Variants in PLXNA4 observed in about 807,000 individuals in gnomAD.
PLXNA4 encodes the protein plexin A4.
PLXNA4 carries 44 observed loss-of-function variants against 191.8 expected under a neutral mutation model. The observed-to-expected ratio is 0.23, with a 90% CI of 0.18 to 0.29. PLXNA4 has a LOEUF of 0.29. Ranked by LOEUF, PLXNA4 falls within the 10% of genes least tolerant of loss-of-function variation. The probability of loss-of-function intolerance (pLI) is 1.00; values close to 1 mark genes in which losing one functional copy is unlikely to be tolerated. For synonymous variants in PLXNA4, 1,082 were observed against 1,009.5 expected (o/e 1.07, Z -1.36); for missense variants, 1,800 against 2,488.8 (o/e 0.72, Z 5.89).
At chr7:132,227,760 T>A (rs528860444) in intron 6 of PLXNA4, among the ~76,000 whole-genome samples, 156 bp from the exon 7 acceptor site, 2 of 152,104 alleles carry the variant, frequency 1.3e-5, no homozygotes, top group East Asian at 3.9e-4. Flanking sequence ...CTCAGGTTAT[T>A]AGGAGAGTGG....
intron 3 of PLXNA4, among the ~76,000 whole-genome samples, chr7:132,319,163 A>C (rs1802067105): frequency 6.6e-6 from 1 of 152,052 alleles, no homozygotes; most frequent in Non-Finnish European, 1.5e-5. Flanking sequence ...AAAGGGGGAA[A>C]CCTACTAACG....
At chr7:132,319,054 G>A (rs1802062665) in intron 3 of PLXNA4, among the ~76,000 whole-genome samples, 1 of 152,142 alleles carries the variant, frequency 6.6e-6, no homozygotes, top group Admixed American at 6.5e-5. Flanking sequence ...CCACATAGAG[G>A]TCCTGGGCAA....
Position 132,146,692 on chromosome 7 carries a change from T to C in PLXNA4, c.4873A>G (p.Ile1625Val), listed in dbSNP as rs763337762. 2 of 1,613,338 alleles carry C rather than the reference T, an allele frequency of 1.2e-6. No individual in the cohort carries two copies. The highest frequency in any genetic ancestry group is 3.3e-5 in the Admixed American group (2 of 60,010). The change falls in exon 28 of 32, where the codon ATC becomes GTC. Residue 1625 changes from isoleucine to valine, a missense_variant. Coordinates refer to ENST00000321063, the MANE Select transcript of PLXNA4 (RefSeq NM_020911.2). ...RTSASKYENM[I>V]RYTGSPDSLR... ...CTGTCGGGGCTGCCCGTGTACCGGA[T>C]CATGTTTTCTGCCAAGGCAAGGATC...
intron 29 of PLXNA4, among the ~76,000 whole-genome samples, chr7:132,141,148 C>T (rs189034376): frequency 5.1e-4 from 78 of 152,226 alleles, no homozygotes; most frequent in African/African-American, 1.7e-3. Flanking sequence ...TGCTATAAAG[C>T]GGAATTTCTA....
At chr7:132,509,830 C>T (rs1585247705) in intron 1 of PLXNA4, among the ~76,000 whole-genome samples, 1 of 152,274 alleles carries the variant, frequency 6.6e-6, no homozygotes, top group East Asian at 1.9e-4. Context: ...AAACCCACAT[C>T]CTCAATCTCG....
chr7:132,158,901 G>C (rs1429931402), intron 25 of PLXNA4, among the ~76,000 whole-genome samples: 1 of 152,218 alleles, frequency 6.6e-6, no homozygotes, highest in East Asian at 1.9e-4. Flanking sequence ...TAGAGGCTGG[G>C]AGATATATTC....
intron 30 of PLXNA4, among the ~76,000 whole-genome samples, 159 bp from the exon 31 acceptor site, chr7:132,133,358 C>G (rs995355404): frequency 1.3e-5 from 2 of 152,180 alleles, no homozygotes; most frequent in Non-Finnish European, 2.9e-5. Flanking sequence ...TGGTCTCTCT[C>G]TCATCTGGGT....
chr7:132,130,149 C>T lies in PLXNA4; in HGVS notation c.*330G>A, dbSNP rs1167616801. On this transcript the variant is annotated 3_prime_UTR_variant, in exon 32 of 32. Coordinates refer to ENST00000321063, the MANE Select transcript of PLXNA4 (RefSeq NM_020911.2). ...CCTGGCTCCTCATTCGTTATTTGCACCCTGCTGCTGACATGCACAGGGTCA... is the reference window on the plus strand; with the variant it reads ...CCTGGCTCCTCATTCGTTATTTGCATCCTGCTGCTGACATGCACAGGGTCA... The T allele has an allele frequency of 1.1e-5, 3 of 278,508 alleles. No individual in the cohort carries two copies. The highest frequency in any genetic ancestry group is 4.3e-5 in the Admixed American group (1 of 23,324). 17.3% of individuals were successfully genotyped at this position (278,508 alleles called of 1,614,324 possible). A position where few individuals can be genotyped will look rare whatever the true frequency, so the allele number is the denominator to read the frequency against.
At chr7:132,450,691 G>C (rs532098187) in intron 3 of PLXNA4, among the ~76,000 whole-genome samples, 46 of 152,308 alleles carry the variant, frequency 3.0e-4, no homozygotes, top group African/African-American at 1.0e-3. Context: ...TGCTCAGCCT[G>C]CTATAGGAAC....
intron 4 of PLXNA4, among the ~76,000 whole-genome samples, chr7:132,293,783 C>G (rs1673263653): frequency 6.6e-6 from 1 of 152,196 alleles, no homozygotes; most frequent in Non-Finnish European, 1.5e-5. Flanking sequence ...GATTGCCACT[C>G]TCACATATGT....
chr7:132,554,565 T>C (rs1466336339), intron 1 of PLXNA4, among the ~76,000 whole-genome samples: 1 of 152,210 alleles, frequency 6.6e-6, no homozygotes, highest in Non-Finnish European at 1.5e-5. Context: ...TCGTTTGTCA[T>C]CATGCAGAGA....
rs144834523 is a variant in PLXNA4 at position 132,160,025 on chromosome 7, T to C, written c.4501-393A>G. On this transcript the variant is annotated intron_variant, in intron 24 of 31. Coordinates refer to ENST00000321063, the MANE Select transcript of PLXNA4 (RefSeq NM_020911.2). ...TCTCTCACATGCATACAGGAGGCAG[T>C]GTCTCAGCGGCACACCCAGACCCTC... 7.4e-3 allele frequency among the ~76,000 whole-genome samples: 1,125 copies of C among 152,304 alleles called. 9 individuals are homozygous for C. The highest frequency in any genetic ancestry group is 0.011 in the Non-Finnish European group (771 of 68,034).
intron 14 of PLXNA4, among the ~76,000 whole-genome samples, chr7:132,188,951 G>GAGGAAAGGAA (rs755898295): frequency 0.053 from 2,634 of 49,722 alleles, 601 homozygotes; most frequent in Non-Finnish European, 0.11. Context: ...CCTTCCCAGA[G>GAGGAAAGGAA]AGGAAAGGAA....
intron 3 of PLXNA4, among the ~76,000 whole-genome samples, chr7:132,299,838 G>A (rs1801239011): frequency 6.6e-6 from 1 of 152,194 alleles, no homozygotes; most frequent in Non-Finnish European, 1.5e-5. Context: ...ACGTGAATCA[G>A]AGCAAAGCAG....
At chr7:132,135,684 CAGAG>C (rs1297414637) in intron 30 of PLXNA4, among the ~76,000 whole-genome samples, 5 of 152,206 alleles carry the variant, frequency 3.3e-5, no homozygotes, top group Non-Finnish European at 5.9e-5. Context: ...GTGAGAAAGA[CAGAG>C]AGAGCTGCTG....
chr7:132,478,012 C>T (rs999966867), intron 3 of PLXNA4, among the ~76,000 whole-genome samples: 9 of 152,056 alleles, frequency 5.9e-5, no homozygotes, highest in African/African-American at 2.2e-4. Flanking sequence ...ATAAAGAAGC[C>T]CACAGCCTGG....
At chr7:132,227,361 G>T (rs1798361685) in intron 7 of PLXNA4, 90 bp downstream of exon 7, 1 of 1,538,142 alleles carries the variant, frequency 6.5e-7, no homozygotes, top group Non-Finnish European at 8.8e-7. Context: ...CTGCCTGCAG[G>T]TTGCTTTGAT....
chr7:132,248,208 G>A (rs934770911), intron 4 of PLXNA4, among the ~76,000 whole-genome samples: 10 of 152,250 alleles, frequency 6.6e-5, no homozygotes, highest in African/African-American at 2.4e-4. Flanking sequence ...CTTCAGCCTG[G>A]GCCCCAAATG....
chr7:132,515,803 T>C (rs1049796478), intron 1 of PLXNA4, among the ~76,000 whole-genome samples: 2 of 152,226 alleles, frequency 1.3e-5, no homozygotes, highest in Non-Finnish European at 2.9e-5. Flanking sequence ...ATCAAGCCAC[T>C]GGTCTAAGAT....
Sources: allele counts gnomAD v4.1 joint callset (sites outside exome capture counted in the v4.1 genomes callset), GRCh38; gene constraint gnomAD v4.1.1; transcripts MANE v1.5; gene names NCBI Gene and HGNC (gene_info 2026-07-23, HGNC 2026-07-21).